FHOD3: variants seen among roughly 807,000 people sequenced by gnomAD.
The protein encoded by FHOD3 is formin homology 2 domain containing 3, also known as FH1/FH2 domain-containing protein 3.
FHOD3 carries 90 observed loss-of-function variants against 173.0 expected under a neutral mutation model. The observed-to-expected ratio is 0.52, with a 90% CI of 0.44 to 0.62. FHOD3 has a LOEUF of 0.62. FHOD3 is among the 20% of genes least tolerant of loss of function. FHOD3 has a pLI of 0.00. For missense variants in FHOD3, 1,945 were observed against 2,034.7 expected (o/e 0.96, Z 0.85); for synonymous variants, 828 against 823.0 (o/e 1.01, Z -0.10).
intron 19 of FHOD3, among the ~76,000 whole-genome samples, chr18:36,725,611 G>A (rs1481650529): frequency 1.3e-5 from 2 of 152,094 alleles, no homozygotes; most frequent in Non-Finnish European, 1.5e-5. Flanking sequence ...TCCTGGCTGT[G>A]GTGTACTTGT....
At chr18:36,334,487 A>G (rs897179670) in intron 1 of FHOD3, among the ~76,000 whole-genome samples, 11 of 152,244 alleles carry the variant, frequency 7.2e-5, no homozygotes, top group African/African-American at 2.7e-4. Context: ...CAGATGTTCA[A>G]TAACTATTTA....
intron 18 of FHOD3, among the ~76,000 whole-genome samples, chr18:36,714,653 A>G (rs896471113): frequency 6.6e-6 from 1 of 152,246 alleles, no homozygotes; most frequent in Non-Finnish European, 1.5e-5. Context: ...GGGCTCAGCC[A>G]CTTTATCTGC....
chr18:36,501,115 C>T (rs1306759894), intron 3 of FHOD3, among the ~76,000 whole-genome samples: 1 of 152,190 alleles, frequency 6.6e-6, no homozygotes, highest in Non-Finnish European at 1.5e-5. Flanking sequence ...TTCCTGAGGC[C>T]TGGTCTAACT....
intron 17 of FHOD3, among the ~76,000 whole-genome samples, chr18:36,705,024 T>C (rs1051799551): frequency 3.3e-5 from 5 of 152,230 alleles, no homozygotes; most frequent in African/African-American, 1.2e-4. Context: ...CGTGGACTCT[T>C]GATTCCACAC....
At chr18:36,498,608 A>G (rs1169343435) in intron 3 of FHOD3, among the ~76,000 whole-genome samples, 2 of 152,198 alleles carry the variant, frequency 1.3e-5, no homozygotes, top group Non-Finnish European at 2.9e-5. Context: ...TGAAGAACAA[A>G]GAGATAATCA....
chr18:36,546,642 C>T (rs539480932), intron 5 of FHOD3, among the ~76,000 whole-genome samples: 6 of 152,226 alleles, frequency 3.9e-5, no homozygotes, highest in South Asian at 2.1e-4. Context: ...GTTTGTCTGT[C>T]GCAAGATGAG....
At chr18:36,446,008 G>T (rs2051450016) in intron 3 of FHOD3, among the ~76,000 whole-genome samples, 1 of 152,226 alleles carries the variant, frequency 6.6e-6, no homozygotes, top group Non-Finnish European at 1.5e-5. Flanking sequence ...GGTCTCCGTT[G>T]ATGAATGGAT....
intron 3 of FHOD3, among the ~76,000 whole-genome samples, chr18:36,411,619 T>G (rs375171526): frequency 6.6e-6 from 1 of 152,368 alleles, no homozygotes; most frequent in East Asian, 1.9e-4. Flanking sequence ...TTTGTCAGTA[T>G]AATATAGAGT....
chr18:36,422,446 C>T (rs1013396366), intron 3 of FHOD3, among the ~76,000 whole-genome samples: 4 of 152,158 alleles, frequency 2.6e-5, no homozygotes, highest in South Asian at 2.1e-4. Flanking sequence ...CAGTGAATAA[C>T]GTTGCATATA....
chr18:36,571,455 A>T (rs1468684711), intron 5 of FHOD3, among the ~76,000 whole-genome samples: 1 of 152,252 alleles, frequency 6.6e-6, no homozygotes, highest in Non-Finnish European at 1.5e-5. Context: ...CAGTTCTCCT[A>T]GAATTTATAG....
intron 14 of FHOD3, among the ~76,000 whole-genome samples, chr18:36,663,952 T>C (rs1252891218): frequency 3.3e-5 from 5 of 152,182 alleles, no homozygotes; most frequent in African/African-American, 9.6e-5. Flanking sequence ...CTGACCTCAC[T>C]AGTCATCTAC....
At chr18:36,475,157 C>A (rs1476524403) in intron 3 of FHOD3, among the ~76,000 whole-genome samples, 1 of 152,104 alleles carries the variant, frequency 6.6e-6, no homozygotes, top group African/African-American at 2.4e-5. Flanking sequence ...CATTTCCTGG[C>A]AGTGTTACTG....
chr18:36,681,747 G>A (rs1197739673), intron 15 of FHOD3, among the ~76,000 whole-genome samples, 177 bp downstream of exon 15: 1 of 152,110 alleles, frequency 6.6e-6, no homozygotes, highest in African/African-American at 2.4e-5. Flanking sequence ...TATGGCTTTT[G>A]TTTCTCTAAC....
At chr18:36,448,564 C>A (rs1437489348) in intron 3 of FHOD3, among the ~76,000 whole-genome samples, 1 of 152,124 alleles carries the variant, frequency 6.6e-6, no homozygotes, top group Non-Finnish European at 1.5e-5. Flanking sequence ...CTTGGCTTCC[C>A]AAGCATTTTA....
At chr18:36,747,798 T>A (rs2042218038) in intron 24 of FHOD3, among the ~76,000 whole-genome samples, 1 of 152,222 alleles carries the variant, frequency 6.6e-6, no homozygotes, top group African/African-American at 2.4e-5. Context: ...AACCTGGATC[T>A]TCTATCTTCC....
At chr18:36,738,333 G>C (rs1458219182) in intron 20 of FHOD3, among the ~76,000 whole-genome samples, 2 of 152,142 alleles carry the variant, frequency 1.3e-5, no homozygotes, top group East Asian at 3.8e-4. Flanking sequence ...ATTTTTCTAG[G>C]ATAAATATCC....
At chr18:36,377,846 C>T (rs2047525593) in intron 3 of FHOD3, among the ~76,000 whole-genome samples, 1 of 152,204 alleles carries the variant, frequency 6.6e-6, no homozygotes, top group Admixed American at 6.5e-5. Context: ...ACCTGCCCTG[C>T]TTTCATTGAC....
chr18:36,318,564 G>T (rs1027713351), intron 1 of FHOD3, among the ~76,000 whole-genome samples: 34 of 152,164 alleles, frequency 2.2e-4, no homozygotes, highest in African/African-American at 8.2e-4. Context: ...TGTGAATTTT[G>T]CACATTGATT....
chr18:36,440,733 T>G (rs2051095375), intron 3 of FHOD3, among the ~76,000 whole-genome samples: 1 of 152,234 alleles, frequency 6.6e-6, no homozygotes, highest in African/African-American at 2.4e-5. Context: ...TCTATTAATA[T>G]CTCCCCACAT....
Sources: allele counts gnomAD v4.1 joint callset (sites outside exome capture counted in the v4.1 genomes callset), GRCh38; gene constraint gnomAD v4.1.1; transcripts MANE v1.5; gene names NCBI Gene and HGNC (gene_info 2026-07-23, HGNC 2026-07-21).